KIFAP3: variants seen among roughly 807,000 people sequenced by gnomAD.
KIFAP3 encodes the protein kinesin associated protein 3.
A neutral mutation model predicts 106.5 loss-of-function variants in KIFAP3; 68 were observed. The observed-to-expected ratio is 0.64, with a 90% CI of 0.53 to 0.78. The LOEUF (loss-of-function observed/expected upper bound fraction) is 0.78, where lower values mean the gene tolerates loss of function less well. Among genes scored for constraint, KIFAP3 ranks in the 30% least tolerant of loss-of-function variants. The pLI, the probability that KIFAP3 is intolerant of heterozygous loss-of-function variation, is 0.00. For synonymous variants in KIFAP3, 320 were observed against 311.5 expected, an observed-to-expected ratio of 1.03 and a Z score of -0.29; for missense variants, 780 against 941.8, an observed-to-expected ratio of 0.83 and a Z score of 2.25.
At chr1:170,046,590 GA>G in intron 3 of KIFAP3, 121 bp downstream of exon 3, 1 of 752,670 alleles carries the variant, frequency 1.3e-6, no homozygotes, top group Non-Finnish European at 2.1e-6. Flanking sequence ...TAACACTGGT[GA>G]AAAAAACCTA....
At chr1:169,971,871 G>A (rs1291749543) in intron 17 of KIFAP3, among the ~76,000 whole-genome samples, 2 of 151,890 alleles carry the variant, frequency 1.3e-5, no homozygotes, top group African/African-American at 4.8e-5. Context: ...AAATAATCGA[G>A]TATCTGGTAC....
intron 3 of KIFAP3, among the ~76,000 whole-genome samples, chr1:170,040,494 C>T (rs527772128): frequency 6.6e-6 from 1 of 152,080 alleles, no homozygotes; most frequent in African/African-American, 2.4e-5. Context: ...CTGATTTGCC[C>T]CAAAAACTCA....
intron 1 of KIFAP3, among the ~76,000 whole-genome samples, chr1:170,062,898 G>C (rs1472104877): frequency 6.6e-6 from 1 of 151,206 alleles, no homozygotes; most frequent in African/African-American, 2.4e-5. Context: ...TTTAATCACT[G>C]GTTGGCAATG....
intron 11 of KIFAP3, among the ~76,000 whole-genome samples, chr1:169,985,327 A>G (rs1375776883): frequency 6.6e-6 from 1 of 151,922 alleles, no homozygotes; most frequent in Non-Finnish European, 1.5e-5. Flanking sequence ...GAAAAGTCCA[A>G]GTGAGAAGAT....
upstream of KIFAP3, among the ~76,000 whole-genome samples, chr1:170,078,346 A>T (rs1671960227): frequency 6.6e-6 from 1 of 152,118 alleles, no homozygotes; most frequent in Non-Finnish European, 1.5e-5. Flanking sequence ...TACCATTTCT[A>T]TACCATTTTT....
chr1:170,056,436 C>T (rs1400852094), intron 1 of KIFAP3, among the ~76,000 whole-genome samples: 2 of 152,180 alleles, frequency 1.3e-5, no homozygotes, highest in Non-Finnish European at 2.9e-5. Flanking sequence ...GAATTAATCA[C>T]TATTTGCCAC....
Position 169,923,762 on chromosome 1 carries a change from T to C in KIFAP3, c.2274-1981A>G, listed in dbSNP as rs1166039976. Among the ~76,000 whole-genome samples the C allele has an allele frequency of 2.0e-5, 3 of 152,334 alleles. No individual in the cohort carries two copies. In the East Asian group the frequency reaches 5.8e-4, roughly 29 times the overall value. On this transcript the variant is annotated intron_variant, in intron 19 of 19. Coordinates refer to ENST00000361580, the MANE Select transcript of KIFAP3 (RefSeq NM_014970.4). ...TTAGCAATATCACTGTAATTCTACC[T>C]AAAAGAAGATGGTCCTCAGAAGGGA... is the stretch of plus-strand genomic sequence containing the variant.
chr1:169,983,253 G>A lies in KIFAP3; in HGVS notation c.1506+17C>T. ...AATTCCCAGTCTATTTGAATAGAAA[G>A]CCAAAATGATACTTACAATAAACAG... On this transcript the variant is annotated intron_variant, in intron 13 of 19. Coordinates refer to ENST00000361580, the MANE Select transcript of KIFAP3 (RefSeq NM_014970.4). The A allele has an allele frequency of 6.9e-7, 1 of 1,454,702 alleles. No individual in the cohort carries two copies. Among genetic ancestry groups the A allele is most frequent in the Non-Finnish European group, 9.5e-7 (1 of 1,047,330 alleles). 90.1% of individuals were successfully genotyped at this position (1,454,702 alleles called of 1,614,324 possible). A position where few individuals can be genotyped will look rare whatever the true frequency, so the allele number is the denominator to read the frequency against.
intron 13 of KIFAP3, 65 bp downstream of exon 13, chr1:169,983,205 G>T: frequency 1.1e-6 from 1 of 911,196 alleles, no homozygotes; most frequent in Non-Finnish European, 1.7e-6. Flanking sequence ...AGTAAGAGCT[G>T]TATTTCCAAA....
chr1:169,971,079 G>A (rs1352051478), intron 17 of KIFAP3, among the ~76,000 whole-genome samples: 1 of 151,916 alleles, frequency 6.6e-6, no homozygotes, highest in African/African-American at 2.4e-5. Flanking sequence ...TTTAGATGAA[G>A]GCTGAGTTGG....
At chr1:169,968,087 G>C (rs1665722732) in intron 17 of KIFAP3, among the ~76,000 whole-genome samples, 2 of 151,808 alleles carry the variant, frequency 1.3e-5, no homozygotes, top group South Asian at 4.2e-4. Flanking sequence ...TGAGACTTGA[G>C]TCTATTGTGT....
intron 8 of KIFAP3, among the ~76,000 whole-genome samples, chr1:170,031,293 C>G (rs575502019): frequency 2.0e-5 from 3 of 151,710 alleles, no homozygotes; most frequent in African/African-American, 7.2e-5. Context: ...TGGGAGTTAA[C>G]AAGTATTTCC....
At chr1:170,022,299 C>T (rs1420784255) in intron 9 of KIFAP3, among the ~76,000 whole-genome samples, 4 of 152,048 alleles carry the variant, frequency 2.6e-5, no homozygotes, top group Non-Finnish European at 5.9e-5. Flanking sequence ...TTTTATTAAA[C>T]AGTCAATGTA....
intron 17 of KIFAP3, among the ~76,000 whole-genome samples, chr1:169,965,575 A>C (rs2101874493): frequency 6.6e-6 from 1 of 152,126 alleles, no homozygotes; most frequent in African/African-American, 2.4e-5. Context: ...GCTTTGCAAA[A>C]ACAAACAAAA....
chr1:169,992,285 T>C (rs965309579), intron 10 of KIFAP3, 30 bp from the exon 11 acceptor site: 4 of 1,205,364 alleles, frequency 3.3e-6, no homozygotes, highest in Non-Finnish European at 4.7e-6. Context: ...GTGATGATGC[T>C]ATAAATATAT....
intron 11 of KIFAP3, among the ~76,000 whole-genome samples, chr1:169,985,872 C>T (rs1471980970): frequency 6.6e-6 from 1 of 151,866 alleles, no homozygotes; most frequent in East Asian, 1.9e-4. Context: ...CTAGATTTGT[C>T]ATGGTGAGAA....
At chr1:170,059,879 C>T (rs1671047739) in intron 1 of KIFAP3, among the ~76,000 whole-genome samples, 2 of 152,202 alleles carry the variant, frequency 1.3e-5, no homozygotes, top group South Asian at 4.1e-4. Flanking sequence ...AATCAATAAA[C>T]GTAATCCATC....
intron 9 of KIFAP3, among the ~76,000 whole-genome samples, chr1:170,018,712 T>C (rs185829567): frequency 6.6e-5 from 10 of 152,068 alleles, no homozygotes; most frequent in African/African-American, 2.2e-4. Context: ...AATCTTTCAC[T>C]GACCTCATAA....
intron 10 of KIFAP3, among the ~76,000 whole-genome samples, chr1:170,004,908 G>A (rs972805321): frequency 7.9e-5 from 12 of 151,818 alleles, no homozygotes; most frequent in African/African-American, 2.9e-4. Flanking sequence ...ACTACCATCA[G>A]AGTGAACAGG....
Sources: gnomAD v4.1 joint callset for allele counts (sites outside exome capture counted in the v4.1 genomes callset) on GRCh38, gnomAD v4.1.1 for gene constraint, MANE v1.5 for transcripts, NCBI Gene and HGNC (gene_info 2026-07-23, HGNC 2026-07-21) for gene names.